Variants in SLC25A13 observed in about 807,000 individuals in gnomAD.
SLC25A13 encodes the protein electrogenic aspartate/glutamate antiporter SLC25A13, mitochondrial.
A neutral mutation model predicts 85.5 loss-of-function variants in SLC25A13; 70 were observed. The observed-to-expected ratio is 0.82, with a 90% CI of 0.68 to 1.00. SLC25A13 has a LOEUF of 1.00. SLC25A13 is among the 50% of genes least tolerant of loss of function. SLC25A13 has a pLI of 0.00. For synonymous variants in SLC25A13, 259 were observed against 288.7 expected (o/e 0.90, Z 1.04); for missense variants, 765 against 819.8 (o/e 0.93, Z 0.82).
chr7:96,134,028 T>G (rs957581951), intron 14 of SLC25A13, among the ~76,000 whole-genome samples: 4 of 151,672 alleles, frequency 2.6e-5, no homozygotes, highest in Non-Finnish European at 5.9e-5. Flanking sequence ...ATTTGTTGTT[T>G]TTTTTTTTTG....
rs761035791 is a variant in SLC25A13 at position 96,121,316 on chromosome 7, C to A, written c.1903G>T (p.Asp635Tyr). The change falls in exon 18 of 18, where the codon GAT becomes TAT. Residue 635 changes from aspartate to tyrosine, a missense_variant. Coordinates refer to ENST00000265631, the MANE Select transcript of SLC25A13 (RefSeq NM_014251.3). ...SRINLPAPNP[D>Y]HVGGYKLAVA... Reference sequence around the variant, plus strand: ...GCCAGTTTGTAGCCCCCAACGTGATCAGGATTCGGGGCAGGCAGGTTGATC... The same window carrying A: ...GCCAGTTTGTAGCCCCCAACGTGATAAGGATTCGGGGCAGGCAGGTTGATC... 133 of 1,614,052 alleles carry A rather than the reference C, an allele frequency of 8.2e-5. 3 individuals are homozygous for A. In the South Asian group the frequency reaches 1.4e-3, roughly 17 times the overall value.
intron 11 of SLC25A13, among the ~76,000 whole-genome samples, chr7:96,176,152 G>A (rs574830817): frequency 6.6e-6 from 1 of 152,332 alleles, no homozygotes; most frequent in Non-Finnish European, 1.5e-5. Flanking sequence ...AGGAGAGGTA[G>A]CACAGCCCAG....
At chr7:96,284,711 T>C (rs1466305537) in intron 2 of SLC25A13, among the ~76,000 whole-genome samples, 9 of 152,210 alleles carry the variant, frequency 5.9e-5, no homozygotes, top group Non-Finnish European at 1.3e-4. Context: ...GAAGATCCAA[T>C]GGTTTTATAA....
intron 3 of SLC25A13, among the ~76,000 whole-genome samples, chr7:96,240,555 A>G (rs555694764): frequency 2.0e-5 from 3 of 152,198 alleles, no homozygotes; most frequent in East Asian, 1.9e-4. Flanking sequence ...CAAGAAATCC[A>G]TATTTGCTGG....
At chr7:96,196,719 G>C (rs1795077944) in intron 5 of SLC25A13, among the ~76,000 whole-genome samples, 1 of 152,194 alleles carries the variant, frequency 6.6e-6, no homozygotes, top group South Asian at 2.1e-4. Context: ...CAAAATGCTA[G>C]ATCTATGTAG....
chr7:96,320,570 C>T (rs1800302462), intron 1 of SLC25A13, among the ~76,000 whole-genome samples: 1 of 152,116 alleles, frequency 6.6e-6, no homozygotes, highest in Non-Finnish European at 1.5e-5. Context: ...AAGGCAGCTT[C>T]CAAAATTGAA....
intron 3 of SLC25A13, among the ~76,000 whole-genome samples, chr7:96,273,477 C>G (rs1798324275): frequency 6.6e-6 from 1 of 152,022 alleles, no homozygotes; most frequent in Admixed American, 6.6e-5. Flanking sequence ...CTCCTAAGTG[C>G]AATAATAGCA....
At chr7:96,202,581 T>C (rs1002103058) in intron 5 of SLC25A13, among the ~76,000 whole-genome samples, 1 of 152,188 alleles carries the variant, frequency 6.6e-6, no homozygotes, top group Non-Finnish European at 1.5e-5. Context: ...TTTAGAGCAA[T>C]AGCTGGATGA....
At chr7:96,182,067 ATC>A (rs1794439779) in intron 11 of SLC25A13, among the ~76,000 whole-genome samples, 2 of 152,176 alleles carry the variant, frequency 1.3e-5, no homozygotes, top group South Asian at 4.1e-4. Context: ...TTTTCATCTG[ATC>A]TCTCTTACCC....
intron 3 of SLC25A13, among the ~76,000 whole-genome samples, chr7:96,269,413 C>A (rs998509693): frequency 6.6e-6 from 1 of 152,228 alleles, no homozygotes; most frequent in African/African-American, 2.4e-5. Context: ...AGGAAGCAGC[C>A]ATGCCCTCAC....
intron 1 of SLC25A13, 23 bp downstream of exon 1, chr7:96,321,919 C>A (rs1345408999): frequency 7.8e-6 from 12 of 1,529,466 alleles, no homozygotes; most frequent in Non-Finnish European, 9.6e-6. Flanking sequence ...GCGCGCTCCC[C>A]CCGGCCTCGG....
intron 14 of SLC25A13, among the ~76,000 whole-genome samples, chr7:96,144,063 G>A (rs905779977): frequency 3.9e-5 from 6 of 152,152 alleles, no homozygotes; most frequent in African/African-American, 1.2e-4. Context: ...TTACTAAAAA[G>A]TGCTATCCTG....
At chr7:96,244,329 T>G (rs1049377510) in intron 3 of SLC25A13, among the ~76,000 whole-genome samples, 2 of 152,152 alleles carry the variant, frequency 1.3e-5, no homozygotes, top group Non-Finnish European at 2.9e-5. Flanking sequence ...TAAGTAAAGA[T>G]TTTTATTTAA....
At chr7:96,200,524 T>G (rs1267544027) in intron 5 of SLC25A13, among the ~76,000 whole-genome samples, 1 of 152,068 alleles carries the variant, frequency 6.6e-6, no homozygotes, top group Non-Finnish European at 1.5e-5. Flanking sequence ...ATTCTTAATT[T>G]TGTTCTATGT....
At chr7:96,128,995 G>A (rs938629736) in intron 15 of SLC25A13, among the ~76,000 whole-genome samples, 15 of 109,922 alleles carry the variant, frequency 1.4e-4, no homozygotes, top group African/African-American at 4.8e-4. Flanking sequence ...ACTTTGCTCT[G>A]GGGAATCTAC....
At chr7:96,244,750 T>G (rs893224819) in intron 3 of SLC25A13, among the ~76,000 whole-genome samples, 4 of 152,194 alleles carry the variant, frequency 2.6e-5, no homozygotes, top group Non-Finnish European at 5.9e-5. Context: ...CTGGTTCAAA[T>G]CTCGCTGCAG....
At chr7:96,271,089 CT>C (rs1798222901) in intron 3 of SLC25A13, among the ~76,000 whole-genome samples, 1 of 152,170 alleles carries the variant, frequency 6.6e-6, no homozygotes, top group South Asian at 2.1e-4. Context: ...TGCAAAGACC[CT>C]TTTTCCAAAT....
At chr7:96,289,756 T>C (rs909075653) in intron 2 of SLC25A13, among the ~76,000 whole-genome samples, 1 of 152,162 alleles carries the variant, frequency 6.6e-6, no homozygotes, top group Non-Finnish European at 1.5e-5. Flanking sequence ...AATACGGGAC[T>C]ATGTGAAAAG....
At chr7:96,249,921 C>T (rs190694256) in intron 3 of SLC25A13, among the ~76,000 whole-genome samples, 7 of 150,074 alleles carry the variant, frequency 4.7e-5, no homozygotes, top group African/African-American at 1.2e-4. Context: ...TGGTGGCTCA[C>T]GCCTGTAATC....
Sources: gnomAD v4.1 joint callset for allele counts (sites outside exome capture counted in the v4.1 genomes callset) on GRCh38, gnomAD v4.1.1 for gene constraint, MANE v1.5 for transcripts, NCBI Gene and HGNC (gene_info 2026-07-23, HGNC 2026-07-21) for gene names.